RASGRP3: variants seen among roughly 807,000 people sequenced by gnomAD.
RASGRP3 encodes RAS guanyl releasing protein 3.
Under a neutral mutation model 82.7 loss-of-function variants are expected in RASGRP3, and 54 were observed. The ratio of observed to expected loss-of-function variants is 0.65; its 90% confidence interval spans 0.52 to 0.82. RASGRP3 has a LOEUF of 0.82. RASGRP3 is among the 40% of genes least tolerant of loss of function. The pLI, the probability that RASGRP3 is intolerant of heterozygous loss-of-function variation, is 0.00. For missense variants in RASGRP3, 861 were observed against 828.9 expected, an observed-to-expected ratio of 1.04 and a Z score of -0.48; for synonymous variants, 309 against 300.5, an observed-to-expected ratio of 1.03 and a Z score of -0.29.
chr2:33,464,513 G>A lies in RASGRP3; in HGVS notation c.-261+16570G>A, dbSNP rs573047244. On this transcript the variant is annotated intron_variant, in intron 2 of 18. Transcript: ENST00000402538. Reference sequence around the variant, plus strand: ...AAAAAAGATAGGGTCTTGCTCTGTCGCCCAGGCTGGAGTGCAGTGGCCAAT... The same window carrying A: ...AAAAAAGATAGGGTCTTGCTCTGTCACCCAGGCTGGAGTGCAGTGGCCAAT... Among the ~76,000 whole-genome samples the A allele has an allele frequency of 1.8e-4, 26 of 147,842 alleles. No homozygotes were observed. In the East Asian group the frequency reaches 3.1e-3, roughly 18 times the overall value.
chr2:33,522,073 C>A lies in RASGRP3; in HGVS notation c.487C>A (p.Leu163Met). The change falls in exon 7 of 18, where the codon CTG becomes ATG. Residue 163 changes from leucine (L) to methionine (M), a missense_variant. Transcript: ENST00000403687. ...TGAATTGGCTGAGCACCTCACTTTT[C>A]TGGAGCATAAATCTTTTAGAAGGAT... Reference protein sequence around the residue: ...PIELAEHLTFLEHKSFRRISF... With the variant: ...PIELAEHLTFMEHKSFRRISF... The A allele has an allele frequency of 6.2e-7, 1 of 1,611,810 alleles. No homozygotes were observed. Among genetic ancestry groups the A allele is most frequent in the Non-Finnish European group, 8.5e-7 (1 of 1,179,384 alleles).
Position 33,546,709 on chromosome 2 carries a change from T to C in RASGRP3, c.1395-2895T>C, listed in dbSNP as rs376958373. 2.6e-5 allele frequency among the ~76,000 whole-genome samples: 4 copies of C among 152,106 alleles called. No individual in the cohort carries two copies. In the East Asian group the frequency reaches 7.7e-4, roughly 29 times the overall value. On this transcript the variant is annotated intron_variant, in intron 13 of 17. Coordinates refer to ENST00000403687, the MANE Select transcript of RASGRP3 (RefSeq NM_001139488.2). ...GTCATGTAATCAACCTAAATGCCCATCAATAACAGATTGGATAAAGAAAAT... is the reference window on the plus strand; with the variant it reads ...GTCATGTAATCAACCTAAATGCCCACCAATAACAGATTGGATAAAGAAAAT...
chr2:33,480,423 G>A (rs1667791291), intron 1 of RASGRP3, among the ~76,000 whole-genome samples: 1 of 152,184 alleles, frequency 6.6e-6, no homozygotes, highest in African/African-American at 2.4e-5. Context: ...AGTAGTCAGT[G>A]ATGTGGTTTG....
At chr2:33,513,862 G>A (rs981678639) in intron 2 of RASGRP3, 10 of 152,180 alleles carry the variant, frequency 6.6e-5, no homozygotes, top group African/African-American at 2.2e-4. Flanking sequence ...TTTCTGAGAT[G>A]ATGTGGAGGA....
At chr2:33,505,889 C>T (rs530245406) in intron 1 of RASGRP3, among the ~76,000 whole-genome samples, 1 of 152,230 alleles carries the variant, frequency 6.6e-6, no homozygotes, top group South Asian at 2.1e-4. Context: ...AGGAGAATAC[C>T]CCCTTGGTGG....
chr2:33,526,910 T>C (rs1421013546), intron 9 of RASGRP3, among the ~76,000 whole-genome samples: 1 of 152,210 alleles, frequency 6.6e-6, no homozygotes, highest in Non-Finnish European at 1.5e-5. Flanking sequence ...GGCAGACATG[T>C]AGGCTATTTC....
intron 14 of RASGRP3, among the ~76,000 whole-genome samples, chr2:33,551,087 C>T (rs1454621036): frequency 6.6e-6 from 1 of 152,096 alleles, no homozygotes; most frequent in Non-Finnish European, 1.5e-5. Flanking sequence ...CCAAGGCAAG[C>T]AGATCACCTG....
At chr2:33,528,239 G>A (rs1219547577) in intron 10 of RASGRP3, among the ~76,000 whole-genome samples, 1 of 152,142 alleles carries the variant, frequency 6.6e-6, no homozygotes, top group Admixed American at 6.5e-5. Context: ...ACCTCTCACA[G>A]TTCCTGGCAT....
chr2:33,452,785 T>C (rs1384921180), intron 2 of RASGRP3, among the ~76,000 whole-genome samples: 1 of 151,718 alleles, frequency 6.6e-6, no homozygotes, highest in Non-Finnish European at 1.5e-5. Context: ...CCTAGTGCTG[T>C]TGTATTGGTG....
rs573499995 is a variant in RASGRP3 at position 33,507,718 on chromosome 2, G to A, written c.-260-3992G>A. Among the ~76,000 whole-genome samples, 80 of 152,122 alleles carry A rather than the reference G, an allele frequency of 5.3e-4. No individual in the cohort carries two copies. In the Middle Eastern group the frequency reaches 0.01, roughly 19 times the overall value. ...TTCTTGTATTTTTATTAGAGATGGG[G>A]TTTCACCATGTTGGCCAGGCTGGTC... On this transcript the variant is annotated intron_variant, in intron 1 of 17. Coordinates refer to ENST00000403687, the MANE Select transcript of RASGRP3 (RefSeq NM_001139488.2).
At chr2:33,532,134 T>G (rs1333467150) in intron 10 of RASGRP3, 1 of 152,226 alleles carries the variant, frequency 6.6e-6, no homozygotes. Flanking sequence ...TACAAAATAG[T>G]AGGCAACTGC....
chr2:33,540,855 T>C lies in RASGRP3; in HGVS notation c.1278+1645T>C, dbSNP rs1372713226. 3.3e-5 allele frequency among the ~76,000 whole-genome samples: 4 copies of C among 119,776 alleles called. 1 individual carries two copies. The highest frequency in any genetic ancestry group is 6.1e-5 in the Non-Finnish European group (3 of 49,534). 78.6% of individuals were successfully genotyped at this position (119,776 alleles called of 152,430 possible). ...TTTTATTATGGCTAAGTAATGATAC[T>C]GGAATTAAAAAAAAAAAGGTAATGT... is the stretch of plus-strand genomic sequence containing the variant. On this transcript the variant is annotated intron_variant, in intron 12 of 17. Coordinates refer to ENST00000403687, the MANE Select transcript of RASGRP3 (RefSeq NM_001139488.2).
intron 1 of RASGRP3, among the ~76,000 whole-genome samples, chr2:33,439,517 A>G (rs1665108387): frequency 1.3e-5 from 2 of 152,236 alleles, no homozygotes; most frequent in Admixed American, 1.3e-4. Flanking sequence ...AATTTCAGAT[A>G]AACAACAAAC....
intron 1 of RASGRP3, among the ~76,000 whole-genome samples, chr2:33,440,757 A>G (rs760728243): frequency 6.6e-6 from 1 of 152,212 alleles, no homozygotes; most frequent in Non-Finnish European, 1.5e-5. Flanking sequence ...TATGATGAAG[A>G]ATCTATAATC....
At chr2:33,521,811 T>A in intron 6 of RASGRP3, 144 bp from the exon 7 acceptor site, 2 of 1,018,874 alleles carry the variant, frequency 2.0e-6, no homozygotes, top group Non-Finnish European at 2.8e-6. Context: ...GTCAGTGGTT[T>A]TCTCTTCCAA....
chr2:33,507,824 C>A (rs1670536189), intron 1 of RASGRP3, among the ~76,000 whole-genome samples: 1 of 152,216 alleles, frequency 6.6e-6, no homozygotes, highest in African/African-American at 2.4e-5. Flanking sequence ...CCGTGCCTGG[C>A]CCATATCTGG....
At chr2:33,461,461 A>G (rs1666359983) in intron 2 of RASGRP3, among the ~76,000 whole-genome samples, 2 of 152,340 alleles carry the variant, frequency 1.3e-5, no homozygotes, top group South Asian at 4.1e-4. Flanking sequence ...TATTTTTAGT[A>G]GAGGCGGGGT....
At chr2:33,546,194 T>C (rs1574475565) in intron 13 of RASGRP3, among the ~76,000 whole-genome samples, 1 of 150,894 alleles carries the variant, frequency 6.6e-6, no homozygotes, top group African/African-American at 2.4e-5. Flanking sequence ...GAGGCTGAGG[T>C]GGGTGGATCA....
Position 33,527,375 on chromosome 2 carries a change from A to G in RASGRP3, c.1046A>G (p.His349Arg). 1 of 1,613,840 alleles carries G rather than the reference A, an allele frequency of 6.2e-7. No individual in the cohort carries two copies. Among genetic ancestry groups the G allele is most frequent in the African/African-American group, 1.3e-5 (1 of 75,016 alleles). ...GTCTCCCTGCAGAATGCCTCTCACC[A>G]CTTAGAACCCAACATGGATTTGATC... ...ELVSLQNASH[H>R]LEPNMDLINL... is the part of the protein sequence containing the mutation. The change falls in exon 10 of 18, where the codon CAC becomes CGC. Residue 349 changes from histidine (H) to arginine (R), a missense_variant. Coordinates refer to ENST00000403687, the MANE Select transcript of RASGRP3 (RefSeq NM_001139488.2).
Sources: allele counts gnomAD v4.1 joint callset (sites outside exome capture counted in the v4.1 genomes callset), GRCh38; gene constraint gnomAD v4.1.1; transcripts MANE v1.5; gene names NCBI Gene and HGNC (gene_info 2026-07-23, HGNC 2026-07-21).